Variants in KLHL32 observed in about 807,000 individuals in gnomAD.
KLHL32 encodes the protein kelch like family member 32.
A neutral mutation model predicts 64.8 loss-of-function variants in KLHL32; 35 were observed. The ratio of observed to expected loss-of-function variants is 0.54; its 90% confidence interval spans 0.41 to 0.72. The LOEUF (loss-of-function observed/expected upper bound fraction) is 0.72. Ranked by LOEUF, KLHL32 falls within the 30% of genes least tolerant of loss-of-function variation. KLHL32 has a pLI of 0.00. For missense variants in KLHL32, 589 were observed against 768.5 expected (o/e 0.77, Z 2.76); for synonymous variants, 259 against 281.0 (o/e 0.92, Z 0.78).
chr6:96,969,109 C>T (rs1250672034), intron 2 of KLHL32, among the ~76,000 whole-genome samples: 1 of 152,148 alleles, frequency 6.6e-6, no homozygotes, highest in Admixed American at 6.5e-5. Context: ...CCCCTTACTA[C>T]ACCCCCAGGG....
chr6:97,022,322 G>A (rs1198859526), intron 3 of KLHL32, among the ~76,000 whole-genome samples: 1 of 150,612 alleles, frequency 6.6e-6, no homozygotes, highest in Non-Finnish European at 1.5e-5. Flanking sequence ...ACAGGCACCT[G>A]AGAATCTTTG....
intron 1 of KLHL32, among the ~76,000 whole-genome samples, chr6:96,932,278 T>C (rs1156470876): frequency 6.6e-6 from 1 of 151,334 alleles, no homozygotes; most frequent in African/African-American, 2.4e-5. Context: ...CATGAAAACA[T>C]TAATTACCTA....
At chr6:97,024,969 T>C (rs1025224523) in intron 3 of KLHL32, 34 of 983,834 alleles carry the variant, frequency 3.5e-5, no homozygotes, top group Middle Eastern at 1.0e-3. Flanking sequence ...AAGTAAAATT[T>C]GCATTCATGC....
chr6:97,101,893 G>A (rs1020819107), intron 6 of KLHL32, among the ~76,000 whole-genome samples: 24 of 152,184 alleles, frequency 1.6e-4, no homozygotes, highest in African/African-American at 5.6e-4. Context: ...TGGTCTGCAT[G>A]TGATGGCTTT....
At chr6:97,060,529 C>T (rs557242706) in intron 4 of KLHL32, among the ~76,000 whole-genome samples, 133 of 152,298 alleles carry the variant, frequency 8.7e-4, no homozygotes, top group African/African-American at 3.1e-3. Context: ...ATGCTCTATA[C>T]AGAATCTCAC....
At chr6:97,060,467 C>T (rs1248702856) in intron 4 of KLHL32, among the ~76,000 whole-genome samples, 1 of 152,198 alleles carries the variant, frequency 6.6e-6, no homozygotes. Context: ...GCTCCACCCT[C>T]CCAGAGCCCC....
chr6:97,132,520 AG>A (rs947159261), intron 9 of KLHL32, 132 bp from the exon 10 acceptor site: 3 of 643,444 alleles, frequency 4.7e-6, no homozygotes, highest in Non-Finnish European at 8.2e-6. Context: ...GGCAGTGATT[AG>A]TTGCTGCAAA....
the KLHL32 span, among the ~76,000 whole-genome samples, chr6:96,907,869 C>T: frequency 8.5e-5 from 13 of 152,204 alleles, no homozygotes; most frequent in Admixed American, 3.3e-4. Context: ...TTCTGCTTAG[C>T]GCTCAAGATG....
At chr6:96,999,599 A>G in intron 3 of KLHL32, 1 of 763,020 alleles carries the variant, frequency 1.3e-6, no homozygotes, top group Non-Finnish European at 1.6e-6. Flanking sequence ...TCTTTTTCTG[A>G]TGACAACTTT....
At chr6:96,913,024 A>G in the KLHL32 span, among the ~76,000 whole-genome samples, 9,953 of 152,252 alleles carry the variant, frequency 0.065, 403 homozygotes, top group Middle Eastern at 0.14. Flanking sequence ...AATTATTTCA[A>G]TGTTTGATTG....
chr6:96,981,083 G>A (rs1176936236), intron 3 of KLHL32, among the ~76,000 whole-genome samples: 1 of 152,138 alleles, frequency 6.6e-6, no homozygotes, highest in East Asian at 1.9e-4. Flanking sequence ...CACAGGAACA[G>A]CATGGAGGTA....
the KLHL32 span, among the ~76,000 whole-genome samples, chr6:96,915,413 A>G: frequency 0.71 from 108,398 of 152,022 alleles, 38,810 homozygotes; most frequent in South Asian, 0.78. Flanking sequence ...TGACATATGA[A>G]CAAAAAATTT....
chr6:96,917,333 G>T, the KLHL32 span, among the ~76,000 whole-genome samples: 1 of 152,058 alleles, frequency 6.6e-6, no homozygotes, highest in African/African-American at 2.4e-5. Context: ...TATCCTCACT[G>T]TCACAAAATG....
rs1294469507 is a variant in KLHL32 at position 97,114,289 on chromosome 6, G to A, written c.1134G>A (p.Trp378Ter). Residue 378 changes from tryptophan (W) to a stop codon, truncating the protein, a stop_gained, in exon 7 of 11, where the codon TGG becomes TGA. Transcript: ENST00000369261. LOFTEE classifies it high-confidence loss of function. ...ACRYDPRSNS[W>*]AEIAPMKNCR... ...GCTATGACCCCCGCAGTAATTCCTG[G>A]GCAGAGATAGCACCCATGAAAAACT... The A allele has an allele frequency of 6.2e-7, 1 of 1,614,128 alleles. No individual in the cohort carries two copies. Among genetic ancestry groups the A allele is most frequent in the Admixed American group, 1.7e-5 (1 of 60,024 alleles).
In KLHL32 at chr6:97,047,681, A is replaced by G. The variant is rs191899547; in HGVS notation, c.312+6082A>G. Among the ~76,000 whole-genome samples the G allele has an allele frequency of 3.9e-5, 6 of 152,294 alleles. No individual in the cohort carries two copies. The East Asian group carries it at 1.2e-3, about 29-fold the overall frequency. ...GAGGTATGAGGAAGAAGGAAGAGAA[A>G]TACTCTGATGGAAATGTTGCCTGGG... is the stretch of plus-strand genomic sequence containing the variant. On this transcript the variant is annotated intron_variant, in intron 4 of 10. Coordinates refer to ENST00000369261, the MANE Select transcript of KLHL32 (RefSeq NM_052904.4).
At chr6:97,092,407 G>A (rs924252501) in intron 6 of KLHL32, among the ~76,000 whole-genome samples, 1 of 151,998 alleles carries the variant, frequency 6.6e-6, no homozygotes, top group African/African-American at 2.4e-5. Context: ...CATCAAATTC[G>A]TACATGTGGT....
chr6:97,077,377 C>T (rs1291314889), intron 5 of KLHL32, among the ~76,000 whole-genome samples: 1 of 151,990 alleles, frequency 6.6e-6, no homozygotes. Context: ...AATGTGAATT[C>T]ATTTGATAAT....
intron 3 of KLHL32, among the ~76,000 whole-genome samples, chr6:97,005,807 T>C (rs1779595554): frequency 6.6e-6 from 1 of 152,194 alleles, no homozygotes; most frequent in African/African-American, 2.4e-5. Context: ...TTTCTTAGTA[T>C]TAATGTCTTT....
chr6:96,982,737 T>G (rs1348936329), intron 3 of KLHL32, among the ~76,000 whole-genome samples: 1 of 152,228 alleles, frequency 6.6e-6, no homozygotes, highest in African/African-American at 2.4e-5. Context: ...TTTTGTATCC[T>G]GAGATGCTGC....
Sources: gnomAD v4.1 joint callset for allele counts (sites outside exome capture counted in the v4.1 genomes callset) on GRCh38, gnomAD v4.1.1 for gene constraint, MANE v1.5 for transcripts, NCBI Gene and HGNC (gene_info 2026-07-23, HGNC 2026-07-21) for gene names.